Variants in CFAP20DC observed in about 807,000 individuals in gnomAD.
CFAP20DC encodes the protein protein CFAP20DC.
In CFAP20DC, 84 loss-of-function variants were observed where a neutral mutation model predicts 101.7. That is an observed-to-expected ratio of 0.83 (90% CI 0.69 to 0.99). CFAP20DC has a LOEUF of 0.99. Among genes scored for constraint, CFAP20DC ranks in the 50% least tolerant of loss-of-function variants. The pLI, the probability that CFAP20DC is intolerant of heterozygous loss-of-function variation, is 0.00. For missense variants in CFAP20DC, 1,007 were observed against 970.3 expected, an observed-to-expected ratio of 1.04 and a Z score of -0.50; for synonymous variants, 359 against 351.2, an observed-to-expected ratio of 1.02 and a Z score of -0.25.
intron 4 of CFAP20DC, among the ~76,000 whole-genome samples, chr3:58,976,338 G>T (rs1352071919): frequency 6.6e-6 from 1 of 152,188 alleles, no homozygotes; most frequent in Non-Finnish European, 1.5e-5. Context: ...ATGGCTAACA[G>T]GTAAATGAAA....
intron 7 of CFAP20DC, among the ~76,000 whole-genome samples, chr3:58,881,055 T>G (rs1262180836): frequency 6.6e-6 from 1 of 152,168 alleles, no homozygotes; most frequent in Non-Finnish European, 1.5e-5. Context: ...GAATCTTACT[T>G]TCATATTGTG....
intron 4 of CFAP20DC, among the ~76,000 whole-genome samples, chr3:58,941,056 C>T (rs972544591): frequency 3.3e-5 from 5 of 152,070 alleles, no homozygotes; most frequent in Admixed American, 1.3e-4. Flanking sequence ...CAGGGCCAGG[C>T]GCAGTGGCTC....
chr3:58,793,926 T>G (rs1394286340), intron 15 of CFAP20DC, among the ~76,000 whole-genome samples: 2 of 152,246 alleles, frequency 1.3e-5, no homozygotes, highest in Non-Finnish European at 2.9e-5. Flanking sequence ...AATATTTTAC[T>G]CTTCTTTTCT....
intron 12 of CFAP20DC, among the ~76,000 whole-genome samples, chr3:58,854,789 A>T (rs2078609958): frequency 6.7e-6 from 1 of 149,908 alleles, no homozygotes; most frequent in African/African-American, 2.5e-5. Context: ...CCATATGTAG[A>T]AAGCTGAAAC....
At chr3:58,987,676 T>C (rs769947213) in intron 4 of CFAP20DC, among the ~76,000 whole-genome samples, 23 of 152,002 alleles carry the variant, frequency 1.5e-4, no homozygotes, top group Admixed American at 4.6e-4. Context: ...TTTACATATA[T>C]AGCTATCTAT....
chr3:58,905,841 T>C (rs2083532707), intron 6 of CFAP20DC, among the ~76,000 whole-genome samples: 1 of 152,222 alleles, frequency 6.6e-6, no homozygotes, highest in South Asian at 2.1e-4. Flanking sequence ...TATTGCAATA[T>C]AGATACCCTC....
intron 13 of CFAP20DC, among the ~76,000 whole-genome samples, chr3:58,833,827 T>A (rs1410119039): frequency 6.6e-6 from 1 of 152,192 alleles, no homozygotes; most frequent in Non-Finnish European, 1.5e-5. Context: ...CAAGTGTCTA[T>A]CAACTGATGG....
At chr3:58,962,822 G>A (rs1258163396) in intron 4 of CFAP20DC, among the ~76,000 whole-genome samples, 1 of 152,046 alleles carries the variant, frequency 6.6e-6, no homozygotes, top group East Asian at 1.9e-4. Context: ...AGTCTCTCCA[G>A]AATGTGAGCA....
At chr3:58,888,956 C>A (rs1186856829) in intron 6 of CFAP20DC, among the ~76,000 whole-genome samples, 1 of 151,094 alleles carries the variant, frequency 6.6e-6, no homozygotes, top group African/African-American at 2.4e-5. Context: ...AAAATCATTC[C>A]GTTTTTCTCC....
chr3:58,863,585 A>G lies in CFAP20DC; in HGVS notation c.1566T>C (p.Asp522=). 6.2e-7 allele frequency: 1 copy of G among 1,614,168 alleles called. No individual in the cohort carries two copies. The highest frequency in any genetic ancestry group is 8.5e-7 in the Non-Finnish European group (1 of 1,180,040). The part of the protein sequence containing the change: ...VTSRDTQSED[D]FYGGDSSEEG... ...CTTCACTGCTGTCGCCGCCGTAAAA[A>G]TCATCCTCTGATTGGGTGTCTCTGC... The change falls in exon 12 of 17, where the codon GAT becomes GAC. Residue 522 remains aspartate (D), a synonymous_variant. Coordinates refer to ENST00000482387, the MANE Select transcript of CFAP20DC (RefSeq NM_001394063.1). This position sits in a 1 kb window ranked among gnomAD's most constrained non-coding sequence, Gnocchi z 5.9.
chr3:58,777,272 T>C (rs1396515994), intron 15 of CFAP20DC, among the ~76,000 whole-genome samples: 1 of 152,192 alleles, frequency 6.6e-6, no homozygotes, highest in African/African-American at 2.4e-5. Context: ...TTGTCTTCCC[T>C]TTTTGGACGC....
chr3:58,727,585 C>G (rs576559341), intron 3 of CFAP20DC: 1 of 152,330 alleles, frequency 6.6e-6, no homozygotes, highest in South Asian at 2.1e-4. Context: ...TACAGGCGCA[C>G]GCCACCATGC....
rs910761847 is a variant in CFAP20DC, at chr3:58,882,512, G to A, written c.715+2033C>T. ...TGATATGCTTTATAGTTTAGCATTC[G>A]TTATTGAAAGTTATCATAGCATATT... is the stretch of plus-strand genomic sequence containing the variant. On this transcript the variant is annotated intron_variant, in intron 7 of 16. Transcript: ENST00000482387. The surrounding 1 kb of genome is among the most constrained non-coding windows in gnomAD (Gnocchi z 4.2). Among the ~76,000 whole-genome samples the A allele has an allele frequency of 7.9e-5, 12 of 151,986 alleles. No homozygotes were observed. Among genetic ancestry groups the A allele is most frequent in the Non-Finnish European group, 1.2e-4 (8 of 67,994 alleles).
intron 4 of CFAP20DC, among the ~76,000 whole-genome samples, chr3:59,027,303 C>T (rs2093910805): frequency 6.6e-6 from 1 of 152,072 alleles, no homozygotes; most frequent in South Asian, 2.1e-4. Flanking sequence ...CTTTTGCTTT[C>T]AACCTTTATC....
intron 5 of CFAP20DC, among the ~76,000 whole-genome samples, chr3:58,924,227 G>A (rs147182387): frequency 1.5e-3 from 223 of 152,000 alleles, no homozygotes; most frequent in African/African-American, 5.0e-3. Flanking sequence ...CCATTACCCC[G>A]CTTCTAGCCT....
intron 15 of CFAP20DC, among the ~76,000 whole-genome samples, chr3:58,761,908 G>C (rs2069646693): frequency 6.6e-6 from 1 of 152,180 alleles, no homozygotes; most frequent in East Asian, 1.9e-4. Flanking sequence ...GAGACAGTTT[G>C]TTATAATTTC....
chr3:59,048,735 G>A (rs868507046), intron 1 of CFAP20DC, among the ~76,000 whole-genome samples: 2 of 152,172 alleles, frequency 1.3e-5, no homozygotes, highest in Non-Finnish European at 2.9e-5. Flanking sequence ...TAAAGAGGTG[G>A]AGACGGGTAG....
chr3:58,809,637 A>C (rs953168782), intron 14 of CFAP20DC, among the ~76,000 whole-genome samples: 1 of 152,196 alleles, frequency 6.6e-6, no homozygotes, highest in African/African-American at 2.4e-5. Context: ...ATCACAATTA[A>C]AAGAACTAGA....
chr3:58,997,274 A>G (rs564462993), intron 4 of CFAP20DC, among the ~76,000 whole-genome samples: 32 of 152,344 alleles, frequency 2.1e-4, no homozygotes, highest in African/African-American at 7.2e-4. Context: ...AATAAGTACT[A>G]TTAATATTAT....
Sources: allele counts gnomAD v4.1 joint callset (sites outside exome capture counted in the v4.1 genomes callset), GRCh38; gene constraint gnomAD v4.1.1; non-coding constraint Gnocchi (gnomAD v3.1); transcripts MANE v1.5; gene names NCBI Gene and HGNC (gene_info 2026-07-23, HGNC 2026-07-21).